Variants in KEL observed in about 807,000 individuals in gnomAD.
KEL encodes the protein kell blood group glycoprotein.
In KEL, 96 loss-of-function variants were observed where a neutral mutation model predicts 99.5. The observed-to-expected ratio is 0.97, with a 90% confidence interval of 0.82 to 1.14. KEL has a LOEUF of 1.14. Ranked by LOEUF, KEL falls within the 50% of genes most tolerant of loss-of-function variation. The pLI, the probability that KEL is intolerant of heterozygous loss-of-function variation, is 0.00. For missense variants in KEL, 926 were observed against 924.2 expected (o/e 1.00, Z -0.03); for synonymous variants, 355 against 354.8 (o/e 1.00, Z -0.01).
intron 5 of KEL, 66 bp from the exon 6 acceptor site, chr7:142,958,039 G>C (rs557143324): frequency 6.4e-6 from 10 of 1,571,656 alleles, no homozygotes; most frequent in Non-Finnish European, 7.8e-6. Flanking sequence ...TGTCTGGATC[G>C]GCTCTTACAC....
chr7:142,942,679 A>G lies in KEL; in HGVS notation c.1942-150T>C. On this transcript the variant is annotated intron_variant, in intron 17 of 18. Coordinates refer to ENST00000355265, the MANE Select transcript of KEL (RefSeq NM_000420.3). ...AGCCAGAAGAAAGAGTACTTCCCAGAAGACCTATAGATGTCCTAAAATGGA... is the reference window on the plus strand; with the variant it reads ...AGCCAGAAGAAAGAGTACTTCCCAGGAGACCTATAGATGTCCTAAAATGGA... The G allele has an allele frequency of 4.6e-6, 4 of 878,602 alleles. No individual in the cohort carries two copies. In the South Asian group the frequency reaches 5.7e-5, roughly 13 times the overall value. The allele number at this position is 878,602 out of a possible 1,614,324, so 54.4% of individuals were successfully genotyped here.
chr7:142,955,354 G>C (rs1404625338), intron 6 of KEL, among the ~76,000 whole-genome samples: 1 of 151,822 alleles, frequency 6.6e-6, no homozygotes, highest in Non-Finnish European at 1.5e-5. Context: ...AGTCCTCAAT[G>C]TATTTTTGAT....
intron 5 of KEL, 55 bp downstream of exon 5, chr7:142,958,249 G>A (rs1006479111): frequency 8.7e-6 from 14 of 1,612,946 alleles, no homozygotes; most frequent in Non-Finnish European, 1.2e-5. Flanking sequence ...CCCTAAGCAT[G>A]CATTGGTCCC....
chr7:142,961,698 G>T, intron 2 of KEL, 97 bp downstream of exon 2: 1 of 1,300,664 alleles, frequency 7.7e-7, no homozygotes, highest in Non-Finnish European at 1.1e-6. Flanking sequence ...TTTGGGTGAG[G>T]ATGAAGCAGA....
At chr7:142,942,263 G>A in intron 18 of KEL, 171 bp downstream of exon 18, 1 of 634,164 alleles carries the variant, frequency 1.6e-6, no homozygotes, top group Non-Finnish European at 2.9e-6. Flanking sequence ...GTCATCTGAG[G>A]GGTGATTCCA....
chr7:142,958,294 C>T lies in KEL; in HGVS notation c.525+10G>A. ...GTATCCAGAAAAGTTAATATCCCAACTTTTCTCACCTCCTCAATAACTTGT... is the reference window on the plus strand; with the variant it reads ...GTATCCAGAAAAGTTAATATCCCAATTTTTCTCACCTCCTCAATAACTTGT... On this transcript the variant is annotated intron_variant, in intron 5 of 18. Coordinates refer to ENST00000355265, the MANE Select transcript of KEL (RefSeq NM_000420.3). 1 of 1,614,114 alleles carries T rather than the reference C, an allele frequency of 6.2e-7. No homozygotes were observed. The highest frequency in any genetic ancestry group is 2.2e-5 in the East Asian group (1 of 44,874).
In KEL at chr7:142,952,494, C is replaced by T. The variant is rs762994163; in HGVS notation, c.1203+15G>A. 9 of 1,613,240 alleles carry T rather than the reference C, an allele frequency of 5.6e-6. No individual in the cohort carries two copies. Among genetic ancestry groups the T allele is most frequent in the African/African-American group, 2.7e-5 (2 of 74,876 alleles). On this transcript the variant is annotated intron_variant, in intron 10 of 18. Transcript: ENST00000355265. The stretch of plus-strand genomic sequence containing the variant: ...TTTCGAGTATCTGGGCAAATACACC[C>T]GCTCCTCTCCTCACCATGGGTGGTT...
chr7:142,957,342 A>G (rs892453236), intron 6 of KEL, among the ~76,000 whole-genome samples: 1 of 152,176 alleles, frequency 6.6e-6, no homozygotes, highest in Non-Finnish European at 1.5e-5. Flanking sequence ...TACGGGAGAT[A>G]AGGCTGGAGA....
chr7:142,956,557 C>T (rs8175983), intron 6 of KEL, among the ~76,000 whole-genome samples: 13 of 152,044 alleles, frequency 8.6e-5, no homozygotes, highest in African/African-American at 3.1e-4. Flanking sequence ...ACCTTGCCTC[C>T]CAAATCCTCA....
At chr7:142,961,609 G>T in intron 2 of KEL, 108 bp from the exon 3 acceptor site, 1 of 1,407,008 alleles carries the variant, frequency 7.1e-7, no homozygotes, top group Non-Finnish European at 1.0e-6. Context: ...CCTTTATACA[G>T]AAATAATTAT....
chr7:142,954,581 A>T, intron 6 of KEL, 54 bp from the exon 7 acceptor site: 1 of 1,476,878 alleles, frequency 6.8e-7, no homozygotes, highest in Non-Finnish European at 9.5e-7. Flanking sequence ...TGGAGAGGGC[A>T]GGTGTGGGGA....
At chr7:142,953,468 C>T (rs1358509536) in intron 9 of KEL, 1 of 855,464 alleles carries the variant, frequency 1.2e-6, no homozygotes, top group African/African-American at 1.8e-5. Flanking sequence ...ACTTAACTGT[C>T]TTCTGTGTCT....
Position 142,960,973 on chromosome 7 carries a change from G to C in KEL, c.355C>G (p.Gln119Glu), listed in dbSNP as rs772695119. ...TTTTTGTTCTTTGTGGCAAGCTCCT[G>C]AAAAGAATTATTGGTCTCTTTGGCC... ...GRAKETNNSF[Q>E]ELATKNKNRL... Residue 119 changes from glutamine to glutamate, a missense_variant, in exon 4 of 19, where the codon CAG becomes GAG. Coordinates refer to ENST00000355265, the MANE Select transcript of KEL (RefSeq NM_000420.3). The C allele has an allele frequency of 1.2e-6, 2 of 1,614,098 alleles. No homozygotes were observed. The highest frequency in any genetic ancestry group is 2.7e-5 in the African/African-American group (2 of 74,920).
rs973035055 is a variant in KEL, at chr7:142,961,484, C to A, written c.99G>T (p.Arg33Ser). ...ATGGCCTGCTCCCTTCCACGGGCAGCCTCTCTTCTGGAGTGCTCTGTGGGA... is the reference window on the plus strand; with the variant it reads ...ATGGCCTGCTCCCTTCCACGGGCAGACTCTCTTCTGGAGTGCTCTGTGGGA... ...LWSQESTPEE[R>S]LPVEGSRPWA... is the part of the protein sequence containing the mutation. The change falls in exon 3 of 19, where the codon AGG becomes AGT. Residue 33 changes from arginine to serine, a missense_variant. By Grantham distance (110) the Arg-to-Ser change is moderately radical. Coordinates refer to ENST00000355265, the MANE Select transcript of KEL (RefSeq NM_000420.3). The A allele has an allele frequency of 3.1e-6, 5 of 1,602,060 alleles. No individual in the cohort carries two copies. In the South Asian group the frequency reaches 4.5e-5, roughly 14 times the overall value.
At position 142,946,258 on chromosome 7, in the gene KEL, C is replaced by A. The variant is rs140212054; in HGVS notation, c.1263G>T (p.Thr421=). Residue 421 remains threonine, a synonymous_variant, in exon 11 of 19, where the codon ACG becomes ACT. Transcript: ENST00000355265. ...CCTCACGAACAAACAAAGCCGCCAG[C>A]GTGGGCTCGAAGAACGTGCCTGTCT... is the stretch of plus-strand genomic sequence containing the variant. ...VEETGTFFEP[T]LAALFVREAF... 5.6e-6 allele frequency: 9 copies of A among 1,614,022 alleles called. No homozygotes were observed. In the Admixed American group the frequency reaches 8.3e-5, roughly 15 times the overall value.
At chr7:142,948,335 A>T (rs1796586398) in intron 10 of KEL, among the ~76,000 whole-genome samples, 1 of 152,194 alleles carries the variant, frequency 6.6e-6, no homozygotes, top group Non-Finnish European at 1.5e-5. Context: ...AATAGAAGAA[A>T]TACTTCAAAC....
intron 10 of KEL, among the ~76,000 whole-genome samples, chr7:142,952,063 T>G (rs1796699613): frequency 6.6e-6 from 1 of 152,088 alleles, no homozygotes; most frequent in South Asian, 2.1e-4. Context: ...TCCCACTGGA[T>G]GTCAGAGATA....
At chr7:142,958,693 G>A (rs1416022352) in intron 4 of KEL, among the ~76,000 whole-genome samples, 1 of 152,144 alleles carries the variant, frequency 6.6e-6, no homozygotes, top group Non-Finnish European at 1.5e-5. Flanking sequence ...CTTTGTGGAG[G>A]AAAATTTGCA....
chr7:142,954,159 T>A, intron 8 of KEL, 25 bp downstream of exon 8: 1 of 1,603,058 alleles, frequency 6.2e-7, no homozygotes, highest in Non-Finnish European at 8.5e-7. Flanking sequence ...ATGCCCACAG[T>A]CTTCTGGCCC....
Sources: allele counts gnomAD v4.1 joint callset (sites outside exome capture counted in the v4.1 genomes callset), GRCh38; gene constraint gnomAD v4.1.1; transcripts MANE v1.5; gene names NCBI Gene and HGNC (gene_info 2026-07-23, HGNC 2026-07-21).